Variants in KIT observed in about 807,000 individuals in gnomAD.
KIT encodes the protein KIT proto-oncogene, receptor tyrosine kinase, also known as mast/stem cell growth factor receptor Kit.
In KIT, 16 loss-of-function variants were observed where a neutral mutation model predicts 105.7. The ratio of observed to expected loss-of-function variants is 0.15; its 90% CI spans 0.10 to 0.23. The LOEUF is 0.23. KIT is among the 10% of genes least tolerant of loss of function. The probability of loss-of-function intolerance (pLI) is 1.00; values close to 1 mark genes in which losing one functional copy is unlikely to be tolerated. For synonymous variants in KIT, 438 were observed against 441.1 expected (o/e 0.99, Z 0.09); for missense variants, 858 against 1,213.8 (o/e 0.71, Z 4.36).
intron 16 of KIT, among the ~76,000 whole-genome samples, chr4:54,732,539 A>T (rs1289154473): frequency 6.6e-6 from 1 of 152,146 alleles, no homozygotes; most frequent in South Asian, 2.1e-4. Flanking sequence ...GAAGGGTGAA[A>T]GGAGTTCCTT....
At chr4:54,696,148 C>A (rs552003204) in intron 2 of KIT, among the ~76,000 whole-genome samples, 1 of 151,852 alleles carries the variant, frequency 6.6e-6, no homozygotes, top group Non-Finnish European at 1.5e-5. Flanking sequence ...TTCAGGGAGC[C>A]GAAGGCCTCT....
intron 7 of KIT, among the ~76,000 whole-genome samples, chr4:54,711,245 G>C (rs910825924): frequency 1.3e-5 from 2 of 152,152 alleles, no homozygotes; most frequent in Non-Finnish European, 2.9e-5. Flanking sequence ...TGGTAGGGTG[G>C]GTGGTGTAAG....
At chr4:54,680,061 A>G (rs1356366174) in intron 1 of KIT, among the ~76,000 whole-genome samples, 1 of 152,176 alleles carries the variant, frequency 6.6e-6, no homozygotes, top group African/African-American at 2.4e-5. Flanking sequence ...GGATGATGAA[A>G]AAGTTCTGGA....
At chr4:54,710,438 T>C (rs930720110) in intron 7 of KIT, among the ~76,000 whole-genome samples, 4 of 152,218 alleles carry the variant, frequency 2.6e-5, no homozygotes, top group Non-Finnish European at 4.4e-5. Flanking sequence ...TTAGGCGTTA[T>C]GCTGGGCACT....
chr4:54,708,710 T>A (rs1346722654), intron 6 of KIT, among the ~76,000 whole-genome samples: 1 of 151,692 alleles, frequency 6.6e-6, no homozygotes, highest in African/African-American at 2.4e-5. Context: ...GCTTGCATAG[T>A]GTGAGAGTTG....
chr4:54,695,495 T>A lies in KIT; in HGVS notation c.68-17T>A, dbSNP rs760541631. On this transcript the variant is annotated splice_polypyrimidine_tract_variant and intron_variant, in intron 1 of 20. Transcript: ENST00000288135. ...GGAAGAAGATCATACTCAACACGAT[T>A]CTGTTTTTCTTGGCAGGCTCTTCTC... The A allele has an allele frequency of 1.2e-6, 2 of 1,614,012 alleles. No individual in the cohort carries two copies. Among genetic ancestry groups the A allele is most frequent in the Non-Finnish European group, 1.7e-6 (2 of 1,179,922 alleles).
intron 1 of KIT, among the ~76,000 whole-genome samples, chr4:54,679,906 A>G (rs1294878601): frequency 6.6e-6 from 1 of 152,220 alleles, no homozygotes; most frequent in Non-Finnish European, 1.5e-5. Context: ...TAAACAAGCA[A>G]GAGACAAAAG....
chr4:54,674,957 C>T (rs1010608643), intron 1 of KIT, among the ~76,000 whole-genome samples: 2 of 152,160 alleles, frequency 1.3e-5, no homozygotes, highest in African/African-American at 2.4e-5. Flanking sequence ...TACTTAATAT[C>T]ATCTAATAAA....
Position 54,723,572 on chromosome 4 carries a change from GT to G in KIT, c.1232-8del. 1 of 1,592,422 alleles carries G rather than the reference GT, an allele frequency of 6.3e-7. No individual in the cohort carries two copies. The highest frequency in any genetic ancestry group is 8.6e-7 in the Non-Finnish European group (1 of 1,160,360). On this transcript the variant is annotated splice_polypyrimidine_tract_variant and intron_variant, in intron 7 of 20. Transcript: ENST00000288135. ...AGCACTCTGACATATGGCCATTTCTGTTTTCCTGTAGCAAAACCAGAAATCC... is the reference window on the plus strand; with the variant it reads ...AGCACTCTGACATATGGCCATTTCTGTTTCCTGTAGCAAAACCAGAAATCC...
At chr4:54,694,483 C>T (rs1033968596) in intron 1 of KIT, among the ~76,000 whole-genome samples, 3 of 152,072 alleles carry the variant, frequency 2.0e-5, no homozygotes, top group Admixed American at 1.3e-4. Flanking sequence ...CCCGCCTCAG[C>T]CTCCCATGTA....
intron 7 of KIT, among the ~76,000 whole-genome samples, chr4:54,722,518 G>A (rs924219403): frequency 2.6e-5 from 4 of 152,020 alleles, no homozygotes; most frequent in Admixed American, 6.6e-5. Context: ...TGGGGCTCCC[G>A]TAATTCTGTG....
At chr4:54,666,978 G>C (rs372656503) in intron 1 of KIT, among the ~76,000 whole-genome samples, 2 of 152,188 alleles carry the variant, frequency 1.3e-5, no homozygotes, top group Non-Finnish European at 2.9e-5. Flanking sequence ...GAAATTGTAC[G>C]GTGTGGTAGC....
intron 1 of KIT, among the ~76,000 whole-genome samples, chr4:54,659,011 G>A (rs1185524486): frequency 6.6e-6 from 1 of 152,156 alleles, no homozygotes; most frequent in Non-Finnish European, 1.5e-5. Flanking sequence ...CGGCCAGAGT[G>A]CCCGGCCTGC....
intron 7 of KIT, among the ~76,000 whole-genome samples, chr4:54,719,042 C>A (rs910412803): frequency 6.6e-6 from 1 of 152,172 alleles, no homozygotes; most frequent in African/African-American, 2.4e-5. Flanking sequence ...GCTTCATTGC[C>A]TTTAAACACC....
intron 1 of KIT, among the ~76,000 whole-genome samples, chr4:54,669,007 A>G (rs990684850): frequency 2.0e-4 from 31 of 152,196 alleles, no homozygotes; most frequent in African/African-American, 7.0e-4. Context: ...AAAACACCAC[A>G]AGGACTGGTT....
chr4:54,687,746 T>C (rs1246187711), intron 1 of KIT, among the ~76,000 whole-genome samples: 3 of 152,054 alleles, frequency 2.0e-5, no homozygotes, highest in Non-Finnish European at 4.4e-5. Context: ...TCCTTTTCCT[T>C]GAATACACAT....
At position 54,739,656 on chromosome 4, in the gene KIT, A is replaced by G. The variant is rs772182994; in HGVS notation, c.*1099A>G. On this transcript the variant is annotated 3_prime_UTR_variant, in exon 21 of 21. Coordinates refer to ENST00000288135, the MANE Select transcript of KIT (RefSeq NM_000222.3). ...TGTCCTGGACACCGGGCCAGTATCT[A>G]TATATGTGTATGTACGTTTGTATGT... is the stretch of plus-strand genomic sequence containing the variant. 1.3e-5 allele frequency: 3 copies of G among 233,474 alleles called. No individual in the cohort carries two copies. Among genetic ancestry groups the G allele is most frequent in the Middle Eastern group, 1.2e-3 (1 of 806 alleles). 14.5% of individuals were successfully genotyped at this position (233,474 alleles called of 1,614,324 possible).
chr4:54,708,219 T>C (rs1238578958), intron 6 of KIT, among the ~76,000 whole-genome samples: 2 of 152,098 alleles, frequency 1.3e-5, no homozygotes, highest in Non-Finnish European at 2.9e-5. Context: ...ACAGTGACTT[T>C]GTTTTGGGGT....
intron 7 of KIT, among the ~76,000 whole-genome samples, chr4:54,720,973 G>A (rs945363216): frequency 1.5e-4 from 23 of 152,162 alleles, no homozygotes; most frequent in African/African-American, 4.8e-4. Flanking sequence ...CCATTAGGCT[G>A]TTCCCACAGG....
Sources: allele counts gnomAD v4.1 joint callset (sites outside exome capture counted in the v4.1 genomes callset), GRCh38; gene constraint gnomAD v4.1.1; transcripts MANE v1.5; gene names NCBI Gene and HGNC (gene_info 2026-07-23, HGNC 2026-07-21).